NDST1: variants seen among roughly 807,000 people sequenced by gnomAD.
NDST1 encodes the protein N-deacetylase and N-sulfotransferase 1.
Under a neutral mutation model 92.8 loss-of-function variants are expected in NDST1, and 35 were observed. The observed-to-expected ratio is 0.38, with a 90% CI of 0.29 to 0.50. NDST1 has a LOEUF of 0.50. Among genes scored for constraint, NDST1 ranks in the 20% least tolerant of loss-of-function variants. The pLI is 0.94. For synonymous variants in NDST1, 493 were observed against 500.3 expected (o/e 0.99, Z 0.19); for missense variants, 822 against 1,182.7 (o/e 0.69, Z 4.47).
At chr5:150,533,155 A>G in intron 4 of NDST1, 123 bp downstream of exon 4, 1 of 953,620 alleles carries the variant, frequency 1.0e-6, no homozygotes, top group Non-Finnish European at 1.7e-6. Context: ...GGCAGAGGTG[A>G]CCCCTCTGCC....
chr5:150,498,397 C>G (rs1213371462), intron 1 of NDST1, among the ~76,000 whole-genome samples: 3 of 152,232 alleles, frequency 2.0e-5, no homozygotes, highest in East Asian at 1.9e-4. Flanking sequence ...GTTGGTAGTT[C>G]TAGCTCTGCT....
Position 150,532,959 on chromosome 5 carries a change from A to T in NDST1, c.1023A>T (p.Thr341=). 2 of 1,614,148 alleles carry T rather than the reference A, an allele frequency of 1.2e-6. No homozygotes were observed. Among genetic ancestry groups the T allele is most frequent in the African/African-American group, 2.7e-5 (2 of 75,016 alleles). ...KVEDVKALFD[T]QNELRAHIPN... Reference sequence around the variant, plus strand: ...GCCTGTCCTAGGCCCTGTTTGACACACAGAACGAACTACGCGCACACATCC... The same window carrying T: ...GCCTGTCCTAGGCCCTGTTTGACACTCAGAACGAACTACGCGCACACATCC... Residue 341 remains threonine (T), a synonymous_variant, in exon 4 of 15, where the codon ACA becomes ACT. Transcript: ENST00000261797.
chr5:150,504,537 G>A (rs996436712), upstream of NDST1, among the ~76,000 whole-genome samples: 3 of 152,090 alleles, frequency 2.0e-5, no homozygotes, highest in African/African-American at 7.2e-5. Flanking sequence ...CACACTATTT[G>A]ATGTGTCTAC....
rs574629477 is a variant in NDST1, at chr5:150,518,473, A to G, written c.-387-2395A>G. Among the ~76,000 whole-genome samples the G allele has an allele frequency of 7.9e-5, 12 of 152,296 alleles. No homozygotes were observed. The East Asian group carries it at 1.9e-3, about 24-fold the overall frequency. ...GCAGGAAGCCCAGAGGGAGCCACACAGTGCATCATGGCAGAGCTGAGACCA... is the reference window on the plus strand; with the variant it reads ...GCAGGAAGCCCAGAGGGAGCCACACGGTGCATCATGGCAGAGCTGAGACCA... On this transcript the variant is annotated intron_variant, in intron 1 of 14. Coordinates refer to ENST00000261797, the MANE Select transcript of NDST1 (RefSeq NM_001543.5).
Position 150,553,235 on chromosome 5 carries a change from A to T in NDST1, c.2552A>T (p.Tyr851Phe). Residue 851 changes from tyrosine to phenylalanine, a missense_variant, in exon 15 of 15, where the codon TAT (tyrosine) becomes TTT (phenylalanine). By Grantham distance (22) the Tyr-to-Phe change is conservative. Coordinates refer to ENST00000261797, the MANE Select transcript of NDST1 (RefSeq NM_001543.5). This position sits in a 1 kb window ranked among gnomAD's most constrained non-coding sequence, Gnocchi z 4.2. ...DLDSRAFLKD[Y>F]YRDHNIELSK... ...CAGTCCCGAGCCTTCCTGAAGGACT[A>T]TTACCGGGACCACAACATCGAGCTC... The T allele has an allele frequency of 6.2e-7, 1 of 1,613,592 alleles. No individual in the cohort carries two copies. Among genetic ancestry groups the T allele is most frequent in the Admixed American group, 1.7e-5 (1 of 60,018 alleles).
At chr5:150,517,617 A>G (rs1204948976) in intron 1 of NDST1, among the ~76,000 whole-genome samples, 1 of 152,158 alleles carries the variant, frequency 6.6e-6, no homozygotes, top group Non-Finnish European at 1.5e-5. Context: ...CTGCCAAAAA[A>G]ATTTTCTTTG....
At chr5:150,543,165 G>A (rs1755322139) in intron 10 of NDST1, among the ~76,000 whole-genome samples, 194 bp downstream of exon 10, 1 of 152,194 alleles carries the variant, frequency 6.6e-6, no homozygotes. Flanking sequence ...TCGATGAGGA[G>A]GCCCTTTGCC....
intron 3 of NDST1, 54 bp from the exon 4 acceptor site, chr5:150,532,891 G>T: frequency 6.6e-7 from 1 of 1,510,764 alleles, no homozygotes; most frequent in South Asian, 1.1e-5. Context: ...AGTGGGAAAA[G>T]CAGGGAGCTC....
At position 150,553,077 on chromosome 5, in the gene NDST1, G is replaced by A; in HGVS notation, c.2530-136G>A. On this transcript the variant is annotated intron_variant, in intron 14 of 14. Transcript: ENST00000261797. The surrounding 1 kb of genome is among the most constrained non-coding windows in gnomAD (Gnocchi z 4.2). ...GCTGGTCTTGAACTCCTGACCTCAGGTGATCCACATGCCTCGGCCTCCCAA... is the reference window on the plus strand; with the variant it reads ...GCTGGTCTTGAACTCCTGACCTCAGATGATCCACATGCCTCGGCCTCCCAA... The A allele has an allele frequency of 1.2e-6, 1 of 842,212 alleles. No individual in the cohort carries two copies. Among genetic ancestry groups the A allele is most frequent in the Admixed American group, 1.8e-5 (1 of 54,738 alleles). The allele number at this position is 842,212 out of a possible 1,614,324, so 52.2% of individuals were successfully genotyped here.
At chr5:150,520,642 C>T (rs1754205830) in intron 1 of NDST1, among the ~76,000 whole-genome samples, 2 of 152,184 alleles carry the variant, frequency 1.3e-5, no homozygotes, top group African/African-American at 4.8e-5. Flanking sequence ...TGGACTTAAT[C>T]CTCCAACCCC....
Position 150,548,301 on chromosome 5 carries a change from G to A in NDST1, c.2229G>A (p.Lys743=). 6.2e-7 allele frequency: 1 copy of A among 1,614,110 alleles called. No homozygotes were observed. Among genetic ancestry groups the A allele is most frequent in the Non-Finnish European group, 8.5e-7 (1 of 1,180,040 alleles). The change falls in exon 12 of 15, where the codon AAG becomes AAA. Residue 743 remains lysine (K), a synonymous_variant. Transcript: ENST00000261797. The part of the protein sequence containing the change: ...VITAGSDASS[K]LRALQNRCLV... ...CCGCCGGCTCTGACGCATCCTCGAA[G>A]CTGCGTGCCCTCCAGAACCGCTGCC... is the stretch of plus-strand genomic sequence containing the variant.
chr5:150,554,018 C>T lies in NDST1; in HGVS notation c.*686C>T. The T allele has an allele frequency of 2.5e-6, 1 of 408,086 alleles. No homozygotes were observed. The highest frequency in any genetic ancestry group is 4.3e-6 in the Non-Finnish European group (1 of 230,682). 25.3% of individuals were successfully genotyped at this position (408,086 alleles called of 1,614,324 possible). Reference sequence around the variant, plus strand: ...CCATCGGGCCCAGTTCTCCGGGCCCCACCTGCACCCCTTTCTTCCCCCTGG... The same window carrying T: ...CCATCGGGCCCAGTTCTCCGGGCCCTACCTGCACCCCTTTCTTCCCCCTGG... On this transcript the variant is annotated 3_prime_UTR_variant, in exon 15 of 15. Coordinates refer to ENST00000261797, the MANE Select transcript of NDST1 (RefSeq NM_001543.5).
rs1230171926 is a variant in NDST1 at position 150,548,339 on chromosome 5, G to T, written c.2267G>T (p.Trp756Leu). The T allele has an allele frequency of 6.2e-7, 1 of 1,613,800 alleles. No homozygotes were observed. Among genetic ancestry groups the T allele is most frequent in the African/African-American group, 1.3e-5 (1 of 74,912 alleles). Residue 756 changes from tryptophan (W) to leucine (L), a missense_variant, in exon 12 of 15, where the codon TGG becomes TTG. Trp to Leu is a moderately conservative substitution (Grantham distance 61). Coordinates refer to ENST00000261797, the MANE Select transcript of NDST1 (RefSeq NM_001543.5). Reference protein sequence around the residue: ...ALQNRCLVPGWYATHIERWLS... With the variant: ...ALQNRCLVPGLYATHIERWLS... Reference sequence around the variant, plus strand: ...CAGAACCGCTGCCTGGTCCCTGGCTGGTACGCCACCCACATCGAGCGCTGG... The same window carrying T: ...CAGAACCGCTGCCTGGTCCCTGGCTTGTACGCCACCCACATCGAGCGCTGG...
upstream of NDST1, among the ~76,000 whole-genome samples, chr5:150,504,178 A>G (rs1753351358): frequency 6.6e-6 from 1 of 152,240 alleles, no homozygotes; most frequent in African/African-American, 2.4e-5. Context: ...GAGCTGTGCC[A>G]GGACAGCCAA....
intron 1 of NDST1, among the ~76,000 whole-genome samples, chr5:150,519,304 G>A (rs1314314884): frequency 6.6e-6 from 1 of 152,166 alleles, no homozygotes; most frequent in Non-Finnish European, 1.5e-5. Context: ...TACCCTCTAG[G>A]CTGGGCCCAA....
chr5:150,515,321 T>C (rs573716884), intron 1 of NDST1, among the ~76,000 whole-genome samples: 4 of 152,366 alleles, frequency 2.6e-5, no homozygotes, highest in African/African-American at 9.6e-5. Flanking sequence ...TTCTGACTTT[T>C]ATATAAAATC....
At chr5:150,501,028 C>T (rs1056801085) in intron 1 of NDST1, among the ~76,000 whole-genome samples, 3 of 152,306 alleles carry the variant, frequency 2.0e-5, no homozygotes, top group African/African-American at 4.8e-5. Context: ...ACAGCCACCC[C>T]GGAGGCATGA....
chr5:150,547,778 C>G (rs183497113), intron 11 of NDST1, among the ~76,000 whole-genome samples: 2 of 152,306 alleles, frequency 1.3e-5, no homozygotes, highest in African/African-American at 4.8e-5. Context: ...CTCCACCCCC[C>G]GAGTTTAAGC....
rs201143654 is a variant in NDST1, at chr5:150,527,792, C to T, written c.514-12C>T. The stretch of plus-strand genomic sequence containing the variant: ...CAGTTCTGTTCCCCTTCCTGCCCTC[C>T]ATTGACTGCAGGCCAATGAGAACAG... On this transcript the variant is annotated splice_polypyrimidine_tract_variant and intron_variant, in intron 2 of 14. Transcript: ENST00000261797. 1 of 1,613,278 alleles carries T rather than the reference C, an allele frequency of 6.2e-7. No individual in the cohort carries two copies. Among genetic ancestry groups the T allele is most frequent in the South Asian group, 1.1e-5 (1 of 91,072 alleles).
Sources: allele counts gnomAD v4.1 joint callset (sites outside exome capture counted in the v4.1 genomes callset), GRCh38; gene constraint gnomAD v4.1.1; non-coding constraint Gnocchi (gnomAD v3.1); transcripts MANE v1.5; gene names NCBI Gene and HGNC (gene_info 2026-07-23, HGNC 2026-07-21).